MSI2: variants seen among roughly 807,000 people sequenced by gnomAD.
MSI2 encodes the protein RNA-binding protein Musashi homolog 2.
Under a neutral mutation model 45.6 loss-of-function variants are expected in MSI2, and 17 were observed. That is an observed-to-expected ratio of 0.37 (90% confidence interval 0.26 to 0.56). The LOEUF is 0.56. MSI2 is among the 20% of genes least tolerant of loss of function. The pLI, the probability that MSI2 is intolerant of heterozygous loss-of-function variation, is 0.77. For synonymous variants in MSI2, 156 were observed against 158.2 expected, an observed-to-expected ratio of 0.99 and a Z score of 0.11; for missense variants, 293 against 444.2, an observed-to-expected ratio of 0.66 and a Z score of 3.06.
At chr17:57,670,980 C>A (rs1912732173) in intron 11 of MSI2, among the ~76,000 whole-genome samples, 1 of 152,108 alleles carries the variant, frequency 6.6e-6, no homozygotes, top group African/African-American at 2.4e-5. Flanking sequence ...GCCCAAGGCA[C>A]CTGACTGTAA....
intron 5 of MSI2, among the ~76,000 whole-genome samples, chr17:57,263,306 A>G (rs1907488762): frequency 6.6e-6 from 1 of 152,136 alleles, no homozygotes; most frequent in Non-Finnish European, 1.5e-5. Flanking sequence ...CCCTTTTTTA[A>G]AGATGGAAAC....
chr17:57,530,611 T>C (rs1173116916), intron 7 of MSI2, among the ~76,000 whole-genome samples: 1 of 152,062 alleles, frequency 6.6e-6, no homozygotes, highest in Non-Finnish European at 1.5e-5. Context: ...TGGCAGGAAA[T>C]GGTGTGCTGG....
intron 6 of MSI2, among the ~76,000 whole-genome samples, chr17:57,422,823 C>T (rs1031016592): frequency 5.3e-5 from 8 of 152,168 alleles, no homozygotes; most frequent in African/African-American, 1.9e-4. Flanking sequence ...GATTAGGCAA[C>T]GTAATTTTGG....
intron 5 of MSI2, among the ~76,000 whole-genome samples, chr17:57,262,814 A>AAGAATTGAGATAGGG (rs1907442480): frequency 6.6e-6 from 1 of 152,222 alleles, no homozygotes; most frequent in African/African-American, 2.4e-5. Flanking sequence ...GACTTGCTTA[A>AAGAATTGAGATAGGG]AGAATTGAGA....
At chr17:57,338,572 T>C (rs1275381709) in intron 5 of MSI2, among the ~76,000 whole-genome samples, 1 of 152,160 alleles carries the variant, frequency 6.6e-6, no homozygotes, top group African/African-American at 2.4e-5. Flanking sequence ...TCCCAGTTGC[T>C]TGGGGACCCT....
rs931531364 is a variant in MSI2, at chr17:57,576,243, A to G, written c.455-20625A>G. On this transcript the variant is annotated intron_variant, in intron 7 of 13. Coordinates refer to ENST00000284073, the MANE Select transcript of MSI2 (RefSeq NM_138962.4). Reference sequence around the variant, plus strand: ...GCAGTCCTGGAGCTCAGGCTCAACAACTCTATTCCTTGCACACATTCTAGC... The same window carrying G: ...GCAGTCCTGGAGCTCAGGCTCAACAGCTCTATTCCTTGCACACATTCTAGC... Among the ~76,000 whole-genome samples the G allele has an allele frequency of 3.9e-5, 6 of 152,114 alleles. No individual in the cohort carries two copies. In the East Asian group the frequency reaches 7.7e-4, roughly 20 times the overall value.
chr17:57,441,858 G>A (rs1204137987), intron 6 of MSI2, among the ~76,000 whole-genome samples: 3 of 152,158 alleles, frequency 2.0e-5, no homozygotes, highest in Non-Finnish European at 2.9e-5. Flanking sequence ...GATGATGCCT[G>A]CAGGGGTTTC....
chr17:57,697,661 C>T, the MSI2 span, among the ~76,000 whole-genome samples: 301 of 152,226 alleles, frequency 2.0e-3, 2 homozygotes, highest in African/African-American at 5.3e-3. Flanking sequence ...GGGGAGGCCT[C>T]ACAATCATGG....
At chr17:57,468,335 C>T (rs1298982045) in intron 6 of MSI2, among the ~76,000 whole-genome samples, 7 of 151,340 alleles carry the variant, frequency 4.6e-5, no homozygotes, top group South Asian at 2.1e-4. Flanking sequence ...GTGGCTAACA[C>T]GGTGAAACCC....
chr17:57,345,947 C>A (rs1258702916), intron 5 of MSI2, among the ~76,000 whole-genome samples: 3 of 151,934 alleles, frequency 2.0e-5, no homozygotes, highest in Non-Finnish European at 2.9e-5. Flanking sequence ...GCTCCTCTTG[C>A]TTGTAACAGT....
chr17:57,291,708 G>T (rs760401260), intron 5 of MSI2, among the ~76,000 whole-genome samples: 4 of 152,104 alleles, frequency 2.6e-5, no homozygotes, highest in Non-Finnish European at 4.4e-5. Flanking sequence ...TTTTCTCTAC[G>T]GTAGGACTGG....
chr17:57,638,848 G>A (rs1413049823), intron 10 of MSI2, among the ~76,000 whole-genome samples: 7 of 152,310 alleles, frequency 4.6e-5, no homozygotes, highest in African/African-American at 1.7e-4. Flanking sequence ...GTTATAGTAA[G>A]CTGTGATTGT....
intron 6 of MSI2, among the ~76,000 whole-genome samples, chr17:57,502,637 A>ATATATAT (rs2086141169): frequency 9.1e-6 from 1 of 110,428 alleles, no homozygotes; most frequent in African/African-American, 3.3e-5. Flanking sequence ...ATATATATAT[A>ATATATAT]GTCATCATTC....
At chr17:57,663,800 C>T (rs576132025) in intron 11 of MSI2, among the ~76,000 whole-genome samples, 6 of 152,230 alleles carry the variant, frequency 3.9e-5, no homozygotes, top group Admixed American at 6.5e-5. Context: ...CCAGTGACTC[C>T]CCTCCCATCT....
intron 5 of MSI2, among the ~76,000 whole-genome samples, chr17:57,357,636 C>T (rs967132888): frequency 1.3e-5 from 2 of 152,128 alleles, no homozygotes; most frequent in East Asian, 3.9e-4. Flanking sequence ...GCTCCCTATC[C>T]AGGCCTTTGT....
At chr17:57,535,232 C>T (rs1422334845) in intron 7 of MSI2, among the ~76,000 whole-genome samples, 2 of 152,236 alleles carry the variant, frequency 1.3e-5, no homozygotes, top group Non-Finnish European at 2.9e-5. Context: ...GGAAGGGAAC[C>T]CTCCCCATTG....
At chr17:57,382,465 G>A (rs555990383) in intron 5 of MSI2, among the ~76,000 whole-genome samples, 20 of 152,186 alleles carry the variant, frequency 1.3e-4, no homozygotes, top group Non-Finnish European at 2.8e-4. Context: ...GTAAAGACAG[G>A]TGGGAGGATA....
chr17:57,435,144 C>T (rs915159108), intron 6 of MSI2, among the ~76,000 whole-genome samples: 1 of 152,000 alleles, frequency 6.6e-6, no homozygotes, highest in Non-Finnish European at 1.5e-5. Flanking sequence ...TGAGTTGCAA[C>T]TTGGGGCTAC....
intron 6 of MSI2, among the ~76,000 whole-genome samples, chr17:57,483,212 G>C (rs937298344): frequency 6.6e-6 from 1 of 152,064 alleles, no homozygotes; most frequent in Non-Finnish European, 1.5e-5. Context: ...TAGTTGAGCT[G>C]TTCTGCTTAT....
Sources: gnomAD v4.1 joint callset for allele counts (sites outside exome capture counted in the v4.1 genomes callset) on GRCh38, gnomAD v4.1.1 for gene constraint, MANE v1.5 for transcripts, NCBI Gene and HGNC (gene_info 2026-07-23, HGNC 2026-07-21) for gene names.